The following GRM5 variants were observed in gnomAD, a reference collection of about 807,000 sequenced individuals.
GRM5 encodes glutamate metabotropic receptor 5, also known as metabotropic glutamate receptor 5.
A neutral mutation model predicts 83.1 loss-of-function variants in GRM5; 19 were observed. The ratio of observed to expected loss-of-function variants is 0.23; its 90% CI spans 0.16 to 0.34. The LOEUF is 0.34. GRM5 is among the 10% of genes least tolerant of loss of function. The pLI is 1.00. For synonymous variants in GRM5, 675 were observed against 633.6 expected, an observed-to-expected ratio of 1.07 and a Z score of -0.98; for missense variants, 1,160 against 1,588.3, an observed-to-expected ratio of 0.73 and a Z score of 4.58.
intron 1 of GRM5, among the ~76,000 whole-genome samples, chr11:89,064,915 T>TGTGAGAGA (rs1431752395): frequency 5.2e-5 from 3 of 58,038 alleles, no homozygotes; most frequent in African/African-American, 1.9e-4. Context: ...TGTGTGTGTG[T>TGTGAGAGA]GAGAGAGAGA....
chr11:89,044,282 T>C (rs1040262541), intron 2 of GRM5, among the ~76,000 whole-genome samples: 4 of 152,198 alleles, frequency 2.6e-5, no homozygotes, highest in African/African-American at 9.7e-5. Flanking sequence ...TGCTTTCTTT[T>C]TTCTTCTTCT....
intron 4 of GRM5, among the ~76,000 whole-genome samples, chr11:88,615,984 C>G (rs1370008119): frequency 6.6e-6 from 1 of 152,064 alleles, no homozygotes; most frequent in East Asian, 1.9e-4. Context: ...AGCACAGATT[C>G]TGGAAGTAGA....
intron 4 of GRM5, among the ~76,000 whole-genome samples, chr11:88,633,444 TG>T (rs1565163227): frequency 6.6e-6 from 1 of 152,182 alleles, no homozygotes; most frequent in East Asian, 1.9e-4. Context: ...AGGTCATGAA[TG>T]GGTTTTCATG....
intron 3 of GRM5, among the ~76,000 whole-genome samples, chr11:88,738,549 C>T (rs1941965199): frequency 6.6e-6 from 1 of 152,030 alleles, no homozygotes; most frequent in Admixed American, 6.6e-5. Flanking sequence ...TAAACATGAA[C>T]AACTATTTCA....
intron 4 of GRM5, among the ~76,000 whole-genome samples, chr11:88,631,001 T>G (rs186852667): frequency 1.3e-5 from 2 of 152,324 alleles, no homozygotes; most frequent in Non-Finnish European, 2.9e-5. Flanking sequence ...CTTTATTTAG[T>G]AGCCATCTGG....
chr11:88,553,093 G>A (rs192165935), intron 8 of GRM5, among the ~76,000 whole-genome samples: 78 of 152,094 alleles, frequency 5.1e-4, no homozygotes, highest in Middle Eastern at 3.4e-3. Flanking sequence ...AAGTACCATC[G>A]GACATTTTAA....
intron 3 of GRM5, among the ~76,000 whole-genome samples, chr11:88,785,732 T>A (rs1943056542): frequency 6.6e-6 from 1 of 152,088 alleles, no homozygotes; most frequent in South Asian, 2.1e-4. Flanking sequence ...AGCCTCAAAT[T>A]TTTATTGAAC....
chr11:88,682,317 G>A (rs1380734882), intron 3 of GRM5, among the ~76,000 whole-genome samples: 2 of 152,178 alleles, frequency 1.3e-5, no homozygotes, highest in Non-Finnish European at 2.9e-5. Flanking sequence ...GAGATGTAAA[G>A]CAGCATCATG....
intron 2 of GRM5, among the ~76,000 whole-genome samples, chr11:89,001,285 AATTAT>A (rs1940370268): frequency 6.6e-6 from 1 of 152,130 alleles, no homozygotes; most frequent in Non-Finnish European, 1.5e-5. Flanking sequence ...TTCACAGCAG[AATTAT>A]TTGTCATAAT....
chr11:89,056,318 C>T (rs1197615996), intron 1 of GRM5, among the ~76,000 whole-genome samples: 1 of 152,154 alleles, frequency 6.6e-6, no homozygotes, highest in African/African-American at 2.4e-5. Context: ...TGAGGATCTA[C>T]TCTCTCTTGC....
rs562584564 is a variant in GRM5 at position 88,671,877 on chromosome 11, T to C, written c.912-18474A>G. 1.9e-3 allele frequency among the ~76,000 whole-genome samples: 294 copies of C among 152,232 alleles called. 1 individual carries two copies. The highest frequency in any genetic ancestry group is 3.4e-3 in the Middle Eastern group (1 of 294). ...TGTTTAAATGGGCTTGTTAATTTCA[T>C]GCAAATTCAATGTACTACACATCAT... is the stretch of plus-strand genomic sequence containing the variant. On this transcript the variant is annotated intron_variant, in intron 3 of 9. Coordinates refer to ENST00000305447, the MANE Select transcript of GRM5 (RefSeq NM_001143831.3).
At chr11:89,003,102 T>A (rs1222893611) in intron 2 of GRM5, among the ~76,000 whole-genome samples, 1 of 152,168 alleles carries the variant, frequency 6.6e-6, no homozygotes, top group African/African-American at 2.4e-5. Flanking sequence ...CTTACGTTTT[T>A]CTTGGTTTGC....
At chr11:88,729,374 T>A (rs947503337) in intron 3 of GRM5, among the ~76,000 whole-genome samples, 1 of 147,418 alleles carries the variant, frequency 6.8e-6, no homozygotes, top group African/African-American at 2.5e-5. Context: ...AAAAAAAAAA[T>A]AAGAGGACAC....
intron 2 of GRM5, among the ~76,000 whole-genome samples, chr11:88,919,923 C>T (rs1945659624): frequency 1.3e-5 from 2 of 151,800 alleles, no homozygotes; most frequent in South Asian, 2.1e-4. Flanking sequence ...AAAGTTTATA[C>T]CAATAAGTGC....
chr11:88,988,750 C>T (rs958677679), intron 2 of GRM5, among the ~76,000 whole-genome samples: 2 of 148,784 alleles, frequency 1.3e-5, no homozygotes, highest in Admixed American at 6.8e-5. Flanking sequence ...ATTTCATATC[C>T]AGCCAAACTA....
At chr11:88,822,214 T>C (rs556463321) in intron 3 of GRM5, among the ~76,000 whole-genome samples, 7 of 152,298 alleles carry the variant, frequency 4.6e-5, no homozygotes, top group African/African-American at 1.4e-4. Flanking sequence ...ATTAATTAAA[T>C]GAATAATTTC....
At chr11:88,744,095 T>C (rs770542698) in intron 3 of GRM5, among the ~76,000 whole-genome samples, 7 of 152,190 alleles carry the variant, frequency 4.6e-5, no homozygotes, top group African/African-American at 7.2e-5. Context: ...AGATTAATCA[T>C]ATACCTCCCA....
At chr11:88,598,202 T>G (rs1591372565) in intron 5 of GRM5, among the ~76,000 whole-genome samples, 3 of 152,136 alleles carry the variant, frequency 2.0e-5, no homozygotes, top group African/African-American at 7.2e-5. Flanking sequence ...CTTATAGTAC[T>G]GACAGATAGA....
intron 2 of GRM5, among the ~76,000 whole-genome samples, chr11:88,970,384 T>C (rs1474791964): frequency 2.0e-5 from 3 of 152,000 alleles, no homozygotes; most frequent in Non-Finnish European, 2.9e-5. Context: ...AGTGAAGAGG[T>C]AGTGAAGGAG....
Sources: gnomAD v4.1 joint callset for allele counts (sites outside exome capture counted in the v4.1 genomes callset) on GRCh38, gnomAD v4.1.1 for gene constraint, MANE v1.5 for transcripts, NCBI Gene and HGNC (gene_info 2026-07-23, HGNC 2026-07-21) for gene names.